Variants in PGM5 observed in about 807,000 individuals in gnomAD.
The protein encoded by PGM5 is phosphoglucomutase 5, also known as phosphoglucomutase-like protein 5.
Under a neutral mutation model 59.2 loss-of-function variants are expected in PGM5, and 23 were observed. The observed-to-expected ratio is 0.39, with a 90% CI of 0.28 to 0.55. The LOEUF (loss-of-function observed/expected upper bound fraction) is 0.55. PGM5 is among the 20% of genes least tolerant of loss of function. PGM5 has a pLI of 0.66. For missense variants in PGM5, 574 were observed against 748.3 expected (o/e 0.77, Z 2.72); for synonymous variants, 214 against 286.0 (o/e 0.75, Z 2.54).
intron 6 of PGM5, among the ~76,000 whole-genome samples, chr9:68,447,524 T>C (rs1823632649): frequency 6.6e-6 from 1 of 152,130 alleles, no homozygotes; most frequent in Non-Finnish European, 1.5e-5. Flanking sequence ...ATATCCTCTA[T>C]TAAGAATGGG....
chr9:68,464,630 AGTGT>A, intron 6 of PGM5: 1 of 152,238 alleles, frequency 6.6e-6, no homozygotes, highest in Non-Finnish European at 1.5e-5. Flanking sequence ...AAATGTCTAA[AGTGT>A]GTGTGTGTGT....
At chr9:68,456,288 CT>C (rs1190487050) in intron 6 of PGM5, among the ~76,000 whole-genome samples, 1 of 145,158 alleles carries the variant, frequency 6.9e-6, no homozygotes, top group Non-Finnish European at 1.5e-5. Context: ...TAGATTTTTT[CT>C]TTTTTTTTCT....
chr9:68,493,182 G>T (rs1824427071), intron 9 of PGM5, among the ~76,000 whole-genome samples: 1 of 152,136 alleles, frequency 6.6e-6, no homozygotes, highest in Non-Finnish European at 1.5e-5. Flanking sequence ...GCTACAACAT[G>T]TCCTACAGTC....
intron 9 of PGM5, among the ~76,000 whole-genome samples, chr9:68,488,454 C>T (rs1174754343): frequency 3.9e-5 from 6 of 152,248 alleles, no homozygotes; most frequent in African/African-American, 1.4e-4. Context: ...CACCCCACTA[C>T]TGCCAACCCT....
chr9:68,394,869 G>A lies in PGM5; in HGVS notation c.1043+2396G>A, dbSNP rs145587249. Reference sequence around the variant, plus strand: ...ATTCCTGGCCTGAAGTGATCCCCCTGCTTCAGCCTCCCAAAGTGCTGGGAT... The same window carrying A: ...ATTCCTGGCCTGAAGTGATCCCCCTACTTCAGCCTCCCAAAGTGCTGGGAT... On this transcript the variant is annotated intron_variant, in intron 6 of 10. Coordinates refer to ENST00000396396, the MANE Select transcript of PGM5 (RefSeq NM_021965.4). Among the ~76,000 whole-genome samples the A allele has an allele frequency of 5.5e-4, 83 of 152,228 alleles. 1 individual carries two copies. In the East Asian group the frequency reaches 0.014, roughly 25 times the overall value.
Position 68,501,285 on chromosome 9 carries a change from C to T in PGM5, c.1614+1924C>T, listed in dbSNP as rs76544073. Reference sequence around the variant, plus strand: ...TAAAATAGAACTCCTTGTTAAAATACCATACATCATTGACTCACCAACTTA... The same window carrying T: ...TAAAATAGAACTCCTTGTTAAAATATCATACATCATTGACTCACCAACTTA... On this transcript the variant is annotated intron_variant, in intron 10 of 10. Coordinates refer to ENST00000396396, the MANE Select transcript of PGM5 (RefSeq NM_021965.4). Among the ~76,000 whole-genome samples, 1,506 of 152,248 alleles carry T rather than the reference C, an allele frequency of 9.9e-3. 20 individuals carry two copies. Among genetic ancestry groups the T allele is most frequent in the African/African-American group, 0.025 (1,043 of 41,530 alleles).
chr9:68,423,653 CTG>C lies in PGM5; in HGVS notation c.1043+31182_1043+31183del, dbSNP rs1217461301. On this transcript the variant is annotated intron_variant, in intron 6 of 10. Coordinates refer to ENST00000396396, the MANE Select transcript of PGM5 (RefSeq NM_021965.4). ...AATCTCTCTCTCTCTCTCTCTCTCT[CTG>C]TCTCTCTCTCTCTCTCTCTCTCTCT... 5.7e-3 allele frequency among the ~76,000 whole-genome samples: 543 copies of C among 95,346 alleles called. 8 individuals are homozygous for C. In the East Asian group the frequency reaches 0.082, roughly 14 times the overall value. The allele number at this position is 95,346 out of a possible 152,430, so 62.6% of individuals were successfully genotyped here. A position where few individuals can be genotyped will look rare whatever the true frequency, so the allele number is the denominator to read the frequency against.
intron 9 of PGM5, among the ~76,000 whole-genome samples, chr9:68,492,223 C>A (rs1183975859): frequency 6.6e-6 from 1 of 152,112 alleles, no homozygotes; most frequent in Admixed American, 6.6e-5. Flanking sequence ...TATCCCAGAA[C>A]TGGGGTGGAT....
At chr9:68,391,279 A>G (rs1554679411) in intron 4 of PGM5, among the ~76,000 whole-genome samples, 1 of 152,068 alleles carries the variant, frequency 6.6e-6, no homozygotes, top group Non-Finnish European at 1.5e-5. Context: ...TTTTAGAAAA[A>G]TTTCAGGTGA....
chr9:68,445,354 C>T (rs560262911), intron 6 of PGM5, among the ~76,000 whole-genome samples: 2 of 152,176 alleles, frequency 1.3e-5, no homozygotes. Context: ...AGCTAAAGAC[C>T]TGCACACCAT....
rs1398615636 is a variant in PGM5, at chr9:68,406,695, T to C, written c.1043+14222T>C. On this transcript the variant is annotated intron_variant, in intron 6 of 10. Coordinates refer to ENST00000396396, the MANE Select transcript of PGM5 (RefSeq NM_021965.4). ...ATATATATGTATATATATATATATATATATATATATATATATATATATATA... is the reference window on the plus strand; with the variant it reads ...ATATATATGTATATATATATATATACATATATATATATATATATATATATA... 1.8e-4 allele frequency among the ~76,000 whole-genome samples: 15 copies of C among 82,150 alleles called. 2 individuals carry two copies. The highest frequency in any genetic ancestry group is 7.6e-4 in the African/African-American group (15 of 19,746). The allele number at this position is 82,150 out of a possible 152,430, so 53.9% of individuals were successfully genotyped here. A position where few individuals can be genotyped will look rare whatever the true frequency, so the allele number is the denominator to read the frequency against.
intron 1 of PGM5, among the ~76,000 whole-genome samples, chr9:68,372,231 G>A (rs1821754063): frequency 6.6e-6 from 1 of 151,176 alleles, no homozygotes; most frequent in African/African-American, 2.4e-5. Context: ...TCAAAATCAA[G>A]GTATCGGCAT....
intron 6 of PGM5, among the ~76,000 whole-genome samples, chr9:68,401,885 A>G (rs1334925834): frequency 2.8e-4 from 29 of 104,144 alleles, no homozygotes; most frequent in Admixed American, 1.2e-3. Flanking sequence ...AGCTATATAT[A>G]TATATGTGTG....
intron 9 of PGM5, among the ~76,000 whole-genome samples, chr9:68,485,425 G>C (rs1824278887): frequency 6.6e-6 from 1 of 152,050 alleles, no homozygotes; most frequent in South Asian, 2.1e-4. Flanking sequence ...CATGGGGGTG[G>C]GTTTTTCCTG....
intron 7 of PGM5, among the ~76,000 whole-genome samples, chr9:68,466,992 T>C (rs552337140): frequency 2.0e-5 from 3 of 152,248 alleles, no homozygotes; most frequent in Admixed American, 1.3e-4. Flanking sequence ...TTTCTGGACC[T>C]GGGGATGAGA....
intron 2 of PGM5, among the ~76,000 whole-genome samples, chr9:68,381,740 G>A: frequency 6.6e-6 from 1 of 151,300 alleles, no homozygotes; most frequent in Non-Finnish European, 1.5e-5. Context: ...AACATCAGTA[G>A]CATTTCTATA....
At chr9:68,485,186 T>A (rs946545116) in intron 9 of PGM5, among the ~76,000 whole-genome samples, 2 of 152,216 alleles carry the variant, frequency 1.3e-5, no homozygotes, top group Admixed American at 1.3e-4. Context: ...TACCTTTTCC[T>A]TAGATTTTCT....
At position 68,504,706 on chromosome 9, in the gene PGM5, C is replaced by CAT. The variant is rs781974768; in HGVS notation, c.1614+5358_1614+5359dup. Among the ~76,000 whole-genome samples, 71 of 151,362 alleles carry CAT rather than the reference C, an allele frequency of 4.7e-4. 1 individual carries two copies. The highest frequency in any genetic ancestry group is 9.9e-4 in the African/African-American group (41 of 41,338). On this transcript the variant is annotated intron_variant, in intron 10 of 10. Coordinates refer to ENST00000396396, the MANE Select transcript of PGM5 (RefSeq NM_021965.4). ...CTTTCTCCATGGCATTTATCCTCAT[C>CAT]ATATATATATATATTTATTTTATTT...
At chr9:68,462,666 C>T (rs1823874632) in intron 6 of PGM5, among the ~76,000 whole-genome samples, 1 of 152,098 alleles carries the variant, frequency 6.6e-6, no homozygotes, top group African/African-American at 2.4e-5. Context: ...ATGTTTTGGT[C>T]AGAGAACATA....
Sources: allele counts gnomAD v4.1 joint callset (sites outside exome capture counted in the v4.1 genomes callset), GRCh38; gene constraint gnomAD v4.1.1; transcripts MANE v1.5; gene names NCBI Gene and HGNC (gene_info 2026-07-23, HGNC 2026-07-21).